Variants in DPP10 observed in about 807,000 individuals in gnomAD.
DPP10 encodes dipeptidyl peptidase like 10, also known as inactive dipeptidyl peptidase 10.
In DPP10, 33 loss-of-function variants were observed where a neutral mutation model predicts 120.9. The ratio of observed to expected loss-of-function variants is 0.27; its 90% CI spans 0.21 to 0.37. DPP10 has a LOEUF of 0.37. Ranked by LOEUF, DPP10 falls within the 10% of genes least tolerant of loss-of-function variation. The probability of loss-of-function intolerance (pLI) is 1.00; values close to 1 mark genes in which losing one functional copy is unlikely to be tolerated. For missense variants in DPP10, 816 were observed against 942.8 expected, an observed-to-expected ratio of 0.87 and a Z score of 1.76; for synonymous variants, 337 against 326.1, an observed-to-expected ratio of 1.03 and a Z score of -0.36.
chr2:114,787,115 T>C (rs1222795376), intron 1 of DPP10, among the ~76,000 whole-genome samples: 2 of 152,060 alleles, frequency 1.3e-5, no homozygotes, highest in East Asian at 3.9e-4. Flanking sequence ...TCATAGAAAA[T>C]GACTGGGGTA....
intron 21 of DPP10, among the ~76,000 whole-genome samples, chr2:115,828,630 G>GT (rs1317073143): frequency 6.6e-6 from 1 of 152,010 alleles, no homozygotes; most frequent in Non-Finnish European, 1.5e-5. Context: ...GTAGCAAGCT[G>GT]TAACAATGCT....
intron 3 of DPP10, among the ~76,000 whole-genome samples, chr2:115,378,227 A>G (rs554540120): frequency 4.0e-5 from 6 of 151,482 alleles, no homozygotes; most frequent in Admixed American, 6.6e-5. Context: ...CTTTTATTTC[A>G]TCGAGCAGTG....
At chr2:115,130,338 G>C (rs1165773887) in intron 1 of DPP10, among the ~76,000 whole-genome samples, 2 of 151,966 alleles carry the variant, frequency 1.3e-5, no homozygotes, top group Non-Finnish European at 2.9e-5. Context: ...CTGTTGTTAC[G>C]TTCTTCCTTA....
At chr2:114,483,965 A>T (rs1051175612) in intron 1 of DPP10, among the ~76,000 whole-genome samples, 1 of 151,844 alleles carries the variant, frequency 6.6e-6, no homozygotes, top group Admixed American at 6.6e-5. Flanking sequence ...GGACAACTTT[A>T]CTCATTTACA....
At chr2:115,655,552 C>T (rs11902470) in intron 5 of DPP10, among the ~76,000 whole-genome samples, 1 of 151,538 alleles carries the variant, frequency 6.6e-6, no homozygotes. Context: ...TCTTCTGTTT[C>T]CTACTCAATA....
chr2:114,570,428 A>G (rs1689542105), intron 1 of DPP10, among the ~76,000 whole-genome samples: 1 of 152,140 alleles, frequency 6.6e-6, no homozygotes, highest in African/African-American at 2.4e-5. Flanking sequence ...AGATGTTCGA[A>G]TATAACTCAA....
chr2:115,073,996 T>A (rs1707584327), intron 1 of DPP10, among the ~76,000 whole-genome samples: 1 of 152,212 alleles, frequency 6.6e-6, no homozygotes, highest in African/African-American at 2.4e-5. Flanking sequence ...CTGTTTTAAT[T>A]TTTAAGACAG....
chr2:115,349,080 A>G (rs2106290111), intron 3 of DPP10, among the ~76,000 whole-genome samples: 1 of 152,288 alleles, frequency 6.6e-6, no homozygotes, highest in Admixed American at 6.5e-5. Flanking sequence ...TAATGAGAAC[A>G]GTGTATATGT....
At chr2:114,664,626 CAAAA>C (rs374561367) in intron 1 of DPP10, among the ~76,000 whole-genome samples, 12 of 81,558 alleles carry the variant, frequency 1.5e-4, no homozygotes, top group Non-Finnish European at 1.5e-4. Flanking sequence ...GACTCCGTCT[CAAAA>C]AAAAAAAAAA....
At chr2:115,727,741 A>G (rs1275581818) in intron 7 of DPP10, 75 bp from the exon 8 acceptor site, 2 of 1,463,834 alleles carry the variant, frequency 1.4e-6, no homozygotes, top group Non-Finnish European at 1.8e-6. Flanking sequence ...TTCAGTGATC[A>G]TTCTGTAATA....
chr2:115,257,628 G>A (rs1216627035), intron 1 of DPP10, among the ~76,000 whole-genome samples: 1 of 152,166 alleles, frequency 6.6e-6, no homozygotes, highest in Non-Finnish European at 1.5e-5. Context: ...ATCTGAGCAT[G>A]ATATTTGGAG....
At chr2:115,509,125 T>C (rs890187536) in intron 4 of DPP10, among the ~76,000 whole-genome samples, 1 of 152,082 alleles carries the variant, frequency 6.6e-6, no homozygotes, top group Non-Finnish European at 1.5e-5. Flanking sequence ...TCAGATTTGC[T>C]TTTGGAAACA....
At chr2:115,474,096 C>T (rs1454021665) in intron 3 of DPP10, among the ~76,000 whole-genome samples, 8 of 152,174 alleles carry the variant, frequency 5.3e-5, no homozygotes, top group Admixed American at 5.2e-4. Flanking sequence ...AATCCCTATA[C>T]ATTGTGATCT....
chr2:115,344,731 T>C (rs1251612521), intron 3 of DPP10, among the ~76,000 whole-genome samples: 1 of 152,192 alleles, frequency 6.6e-6, no homozygotes. Context: ...AGTTTTTTAA[T>C]CCTTTGAATG....
intron 1 of DPP10, among the ~76,000 whole-genome samples, chr2:114,862,771 T>C (rs978478190): frequency 1.3e-5 from 2 of 152,046 alleles, no homozygotes; most frequent in Non-Finnish European, 2.9e-5. Context: ...AGCAGTGATA[T>C]ATGGCAAAAG....
intron 21 of DPP10, among the ~76,000 whole-genome samples, chr2:115,826,081 A>G (rs981680217): frequency 6.6e-6 from 1 of 152,216 alleles, no homozygotes; most frequent in Admixed American, 6.5e-5. Context: ...CATCATTATC[A>G]TGCTGATTGA....
At chr2:115,755,757 G>A (rs577481486) in intron 11 of DPP10, among the ~76,000 whole-genome samples, 12 of 151,856 alleles carry the variant, frequency 7.9e-5, no homozygotes, top group East Asian at 1.9e-4. Context: ...GCATTTATCC[G>A]AAACAAAGGA....
At chr2:115,050,009 T>C (rs953865867) in intron 1 of DPP10, 5 of 152,164 alleles carry the variant, frequency 3.3e-5, no homozygotes, top group Non-Finnish European at 7.3e-5. Context: ...CGTAAGTCCG[T>C]AGGAAGAATT....
chr2:115,191,821 C>T (rs1202962943), intron 1 of DPP10, among the ~76,000 whole-genome samples: 1 of 152,120 alleles, frequency 6.6e-6, no homozygotes, highest in East Asian at 1.9e-4. Flanking sequence ...ACTGGAAACT[C>T]CAGGGGTGGC....
Sources: gnomAD v4.1 joint callset for allele counts (sites outside exome capture counted in the v4.1 genomes callset) on GRCh38, gnomAD v4.1.1 for gene constraint, MANE v1.5 for transcripts, NCBI Gene and HGNC (gene_info 2026-07-23, HGNC 2026-07-21) for gene names.